OSBPL6: variants seen among roughly 807,000 people sequenced by gnomAD.
The protein encoded by OSBPL6 is oxysterol binding protein like 6, also known as oxysterol-binding protein-related protein 6.
OSBPL6 carries 49 observed loss-of-function variants against 125.8 expected under a neutral mutation model. The ratio of observed to expected loss-of-function variants is 0.39; its 90% CI spans 0.31 to 0.49. The LOEUF (loss-of-function observed/expected upper bound fraction) is 0.49. Among genes scored for constraint, OSBPL6 ranks in the 20% least tolerant of loss-of-function variants. The probability of loss-of-function intolerance (pLI) is 0.88; values close to 1 mark genes in which losing one functional copy is unlikely to be tolerated. For missense variants in OSBPL6, 986 were observed against 1,135.4 expected (o/e 0.87, Z 1.89); for synonymous variants, 394 against 391.8 (o/e 1.01, Z -0.07).
chr2:178,260,395 G>GTATGTA (rs1223392122), intron 1 of OSBPL6, among the ~76,000 whole-genome samples: 2 of 150,498 alleles, frequency 1.3e-5, no homozygotes, highest in East Asian at 1.9e-4. Context: ...ATGTGTATGT[G>GTATGTA]TATGTATATG....
intron 1 of OSBPL6, among the ~76,000 whole-genome samples, chr2:178,198,440 G>GTGC (rs549397108): frequency 2.3e-3 from 354 of 151,832 alleles, no homozygotes; most frequent in Non-Finnish European, 2.6e-3. Flanking sequence ...GGGACTACAG[G>GTGC]TGCATGCCAC....
At chr2:178,279,970 C>T (rs1574728120) in intron 1 of OSBPL6, among the ~76,000 whole-genome samples, 2 of 152,074 alleles carry the variant, frequency 1.3e-5, no homozygotes, top group Non-Finnish European at 2.9e-5. Context: ...GAGGCCGAGG[C>T]GAGTGGATCA....
At chr2:178,350,670 T>G (rs1266378657) in intron 12 of OSBPL6, among the ~76,000 whole-genome samples, 1 of 152,240 alleles carries the variant, frequency 6.6e-6, no homozygotes, top group Non-Finnish European at 1.5e-5. Flanking sequence ...GTATGTTCAT[T>G]GCATTTCTTA....
intron 2 of OSBPL6, among the ~76,000 whole-genome samples, chr2:178,294,385 A>C (rs1466605956): frequency 2.0e-5 from 3 of 152,214 alleles, no homozygotes; most frequent in Non-Finnish European, 4.4e-5. Flanking sequence ...AGAGAGTGAG[A>C]CAGTCATCAT....
intron 1 of OSBPL6, among the ~76,000 whole-genome samples, chr2:178,196,340 T>C (rs537634094): frequency 4.3e-4 from 65 of 152,324 alleles, no homozygotes; most frequent in Non-Finnish European, 6.9e-4. Context: ...AAAAATGAAA[T>C]ATTTTGAAAT....
chr2:178,393,390 C>G (rs1020657107), intron 23 of OSBPL6, among the ~76,000 whole-genome samples: 1 of 152,150 alleles, frequency 6.6e-6, no homozygotes, highest in Admixed American at 6.5e-5. Context: ...TAGCTCTGAA[C>G]TCATGATGTC....
At chr2:178,388,803 C>T (rs1218074774) in intron 20 of OSBPL6, among the ~76,000 whole-genome samples, 1 of 152,152 alleles carries the variant, frequency 6.6e-6, no homozygotes, top group Non-Finnish European at 1.5e-5. Flanking sequence ...AACTTTAGCA[C>T]CTGGCCCATA....
At position 178,282,419 on chromosome 2, in the gene OSBPL6, C is replaced by T. The variant is rs184839509; in HGVS notation, c.-350-2508C>T. 2.3e-3 allele frequency among the ~76,000 whole-genome samples: 347 copies of T among 152,276 alleles called. 2 individuals are homozygous for T. The highest frequency in any genetic ancestry group is 6.8e-3 in the Middle Eastern group (2 of 294). On this transcript the variant is annotated intron_variant, in intron 1 of 24. Transcript: ENST00000190611. ...AAGCCTTAATCTTACCCCCTTGGTC[C>T]TCTCTTCTGGTTTACCTTCCCACTT...
upstream of OSBPL6, among the ~76,000 whole-genome samples, chr2:178,193,780 T>G (rs2088659557): frequency 6.6e-6 from 1 of 151,972 alleles, no homozygotes; most frequent in Non-Finnish European, 1.5e-5. Flanking sequence ...TTTAAGGGTG[T>G]GGAAGGGTTG....
chr2:178,384,245 T>G, intron 18 of OSBPL6, 69 bp downstream of exon 18: 1 of 1,548,994 alleles, frequency 6.5e-7, no homozygotes, highest in Non-Finnish European at 8.8e-7. Flanking sequence ...AAAGCACCAT[T>G]TCGATAACAA....
intron 1 of OSBPL6, among the ~76,000 whole-genome samples, chr2:178,265,191 C>CT (rs376718500): frequency 8.9e-5 from 3 of 33,732 alleles, no homozygotes; most frequent in African/African-American, 3.5e-4. Context: ...CCAGACGAGA[C>CT]TTTTTTTTTT....
rs1695888443 is a variant in OSBPL6 at position 178,397,028 on chromosome 2, A to C, written c.*1469A>C. 6.6e-6 allele frequency: 1 copy of C among 152,226 alleles called. No homozygotes were observed. The highest frequency in any genetic ancestry group is 1.9e-4 in the East Asian group (1 of 5,206). The allele number at this position is 152,226 out of a possible 1,614,324, so 9.4% of individuals were successfully genotyped here. A position where few individuals can be genotyped will look rare whatever the true frequency, so the allele number is the denominator to read the frequency against. On this transcript the variant is annotated 3_prime_UTR_variant, in exon 25 of 25. Transcript: ENST00000190611. ...TGTTTATTCTTGGATTCTTACCATT[A>C]GAATTTAAGTGTTATTTAAAACTCT...
rs1204326941 is a variant in OSBPL6, at chr2:178,331,558, T to C, written c.325T>C (p.Phe109Leu). The part of the protein sequence containing the change: ...WPLKGWHKRF[F>L]VLDNGMLKYS... ...GGGTGTTTGGTTCTTGCAGCGTTTT[T>C]TTGTCCTGGATAATGGAATGTTAAA... Residue 109 changes from phenylalanine (F) to leucine (L), a missense_variant, in exon 6 of 25, where the codon TTT (phenylalanine) becomes CTT (leucine). By Grantham distance (22) the Phe-to-Leu change is conservative (BLOSUM62 0). Transcript: ENST00000190611. 6.2e-7 allele frequency: 1 copy of C among 1,614,030 alleles called. No homozygotes were observed. Among genetic ancestry groups the C allele is most frequent in the Non-Finnish European group, 8.5e-7 (1 of 1,179,990 alleles).
At chr2:178,217,209 T>C (rs886373251) in intron 1 of OSBPL6, among the ~76,000 whole-genome samples, 1 of 152,028 alleles carries the variant, frequency 6.6e-6, no homozygotes, top group African/African-American at 2.4e-5. Context: ...AGTGTCTAAG[T>C]GAAAGGGAAA....
chr2:178,201,860 G>A (rs2089277878), intron 1 of OSBPL6, among the ~76,000 whole-genome samples: 1 of 152,184 alleles, frequency 6.6e-6, no homozygotes, highest in South Asian at 2.1e-4. Context: ...GTGTTCCCAT[G>A]ACCATTCTTA....
chr2:178,380,881 G>A (rs963341793), intron 15 of OSBPL6, among the ~76,000 whole-genome samples: 7 of 152,162 alleles, frequency 4.6e-5, no homozygotes, highest in African/African-American at 1.7e-4. Context: ...AAAGCAATAT[G>A]TAAACTGATC....
In OSBPL6 at chr2:178,387,094, C is replaced by A; in HGVS notation, c.2111C>A (p.Ser704Ter). The A allele has an allele frequency of 6.2e-7, 1 of 1,612,290 alleles. No individual in the cohort carries two copies. Among genetic ancestry groups the A allele is most frequent in the South Asian group, 1.1e-5 (1 of 90,944 alleles). ...TGGAAAAACAAGTTCTGGGGGAAGT[C>A]GATGGAAATCCTGCCTGTTGGAACA... ...IRWKNKFWGKSMEILPVGTLN... is the reference protein window; with the variant it reads ...IRWKNKFWGK The change falls in exon 20 of 25, where the codon TCG becomes TAG. Residue 704 changes from serine to a stop codon, truncating the protein, a stop_gained. Coordinates refer to ENST00000190611, the MANE Select transcript of OSBPL6 (RefSeq NM_032523.4). LOFTEE classifies it high-confidence loss of function.
intron 1 of OSBPL6, among the ~76,000 whole-genome samples, chr2:178,220,337 C>A (rs970207733): frequency 7.2e-5 from 11 of 152,090 alleles, no homozygotes; most frequent in Non-Finnish European, 2.9e-5. Flanking sequence ...TACTCTGTCA[C>A]CTACGCTGGA....
At chr2:178,267,183 GTC>G (rs1208206173) in intron 1 of OSBPL6, among the ~76,000 whole-genome samples, 1 of 151,924 alleles carries the variant, frequency 6.6e-6, no homozygotes, top group African/African-American at 2.4e-5. Flanking sequence ...GGGAAACCCT[GTC>G]TCTACTAAAA....
Sources: allele counts gnomAD v4.1 joint callset (sites outside exome capture counted in the v4.1 genomes callset), GRCh38; gene constraint gnomAD v4.1.1; transcripts MANE v1.5; gene names NCBI Gene and HGNC (gene_info 2026-07-23, HGNC 2026-07-21).